Variants in NRP1 observed in about 807,000 individuals in gnomAD.
The protein encoded by NRP1 is neuropilin 1, also known as neuropilin-1.
NRP1 carries 35 observed loss-of-function variants against 106.7 expected under a neutral mutation model. The ratio of observed to expected loss-of-function variants is 0.33; its 90% CI spans 0.25 to 0.43. The LOEUF is 0.43. Ranked by LOEUF, NRP1 falls within the 20% of genes least tolerant of loss-of-function variation. NRP1 has a pLI of 1.00. For synonymous variants in NRP1, 437 were observed against 417.9 expected (o/e 1.05, Z -0.56); for missense variants, 1,024 against 1,170.4 (o/e 0.87, Z 1.83).
At chr10:33,247,214 A>T (rs1292379999) in intron 6 of NRP1, among the ~76,000 whole-genome samples, 1 of 152,238 alleles carries the variant, frequency 6.6e-6, no homozygotes, top group East Asian at 1.9e-4. Flanking sequence ...GCACTCACTC[A>T]TCCCACCTGA....
At chr10:33,288,237 A>G (rs993010627) in intron 2 of NRP1, 2 of 152,108 alleles carry the variant, frequency 1.3e-5, no homozygotes, top group Non-Finnish European at 2.9e-5. Flanking sequence ...TCCTGTGGGT[A>G]TGTTTCTGCC....
chr10:33,299,745 C>T (rs1422388685), intron 2 of NRP1, among the ~76,000 whole-genome samples: 1 of 152,168 alleles, frequency 6.6e-6, no homozygotes, highest in Non-Finnish European at 1.5e-5. Flanking sequence ...ATGATTGCAT[C>T]ACTGCTCTCC....
rs960838770 is a variant in NRP1, at chr10:33,259,854, T to A, written c.659-3383A>T. Among the ~76,000 whole-genome samples the A allele has an allele frequency of 1.1e-4, 16 of 151,510 alleles. 1 individual carries two copies. In the South Asian group the frequency reaches 1.7e-3, roughly 16 times the overall value. ...ATCTACTATAAAGAGGTACTTAAAT[T>A]TTTTTTTTTCTTTTTTAGAGATGGG... On this transcript the variant is annotated intron_variant, in intron 4 of 16. Coordinates refer to ENST00000374867, the MANE Select transcript of NRP1 (RefSeq NM_003873.7).
chr10:33,195,341 A>G (rs1469610780), intron 12 of NRP1: 1 of 358,844 alleles, frequency 2.8e-6, no homozygotes, highest in African/African-American at 2.1e-5. Flanking sequence ...AGAGAGCTAG[A>G]TTAAAAATGT....
chr10:33,326,580 G>T (rs1317400271), intron 2 of NRP1, among the ~76,000 whole-genome samples: 1 of 152,124 alleles, frequency 6.6e-6, no homozygotes, highest in East Asian at 1.9e-4. Flanking sequence ...TGTTAGCCCT[G>T]CAGACAGACG....
At chr10:33,214,941 TA>T (rs1838636086) in intron 8 of NRP1, among the ~76,000 whole-genome samples, 1 of 152,210 alleles carries the variant, frequency 6.6e-6, no homozygotes, top group African/African-American at 2.4e-5. Context: ...ATTGTACACT[TA>T]AAAATGTACA....
intron 7 of NRP1, among the ~76,000 whole-genome samples, chr10:33,223,833 C>G (rs1352178975): frequency 2.0e-5 from 3 of 152,188 alleles, no homozygotes; most frequent in Non-Finnish European, 1.5e-5. Context: ...TGATGGTGCT[C>G]TCCTTATGGG....
intron 6 of NRP1, among the ~76,000 whole-genome samples, chr10:33,244,394 A>G (rs1205998524): frequency 1.3e-5 from 2 of 152,234 alleles, no homozygotes; most frequent in African/African-American, 2.4e-5. Flanking sequence ...AAACTCCACC[A>G]AAGGAATTTC....
chr10:33,265,896 G>T (rs1463459567), intron 3 of NRP1, among the ~76,000 whole-genome samples: 1 of 152,152 alleles, frequency 6.6e-6, no homozygotes, highest in African/African-American at 2.4e-5. Context: ...TGAGATGACA[G>T]CGACTATGCT....
At chr10:33,269,985 T>A (rs1057142571) in intron 3 of NRP1, among the ~76,000 whole-genome samples, 1 of 152,198 alleles carries the variant, frequency 6.6e-6, no homozygotes, top group African/African-American at 2.4e-5. Context: ...AGGAATAAAG[T>A]GCACAATAAA....
At chr10:33,321,359 C>A (rs1847493840) in intron 2 of NRP1, among the ~76,000 whole-genome samples, 1 of 152,298 alleles carries the variant, frequency 6.6e-6, no homozygotes, top group Middle Eastern at 3.4e-3. Context: ...CCCACTTTTT[C>A]ACTTTATTGG....
chr10:33,254,137 A>G lies in NRP1; in HGVS notation c.872T>C (p.Ile291Thr), dbSNP rs1842044663. 6.2e-7 allele frequency: 1 copy of G among 1,613,976 alleles called. No homozygotes were observed. The highest frequency in any genetic ancestry group is 8.5e-7 in the Non-Finnish European group (1 of 1,179,988). Residue 291 changes from isoleucine to threonine, a missense_variant, in exon 6 of 17, where the codon ATC (isoleucine) becomes ACC (threonine). Physicochemically the swap from Ile to Thr is moderately conservative, Grantham distance 89 (BLOSUM62 -1). Coordinates refer to ENST00000374867, the MANE Select transcript of NRP1 (RefSeq NM_003873.7). ...MESGEIHSDQ[I>T]TASSQYSTNW... ...GGTGCTATACTGGGAAGAAGCTGTG[A>G]TCTGGTCAGAATGAATTTCTCCTGA...
chr10:33,208,327 A>G (rs983705092), intron 9 of NRP1, among the ~76,000 whole-genome samples: 1 of 152,194 alleles, frequency 6.6e-6, no homozygotes, highest in Non-Finnish European at 1.5e-5. Context: ...TGCTGGGATT[A>G]CAGGTGTGAG....
At chr10:33,274,111 T>C (rs763393315) in intron 2 of NRP1, among the ~76,000 whole-genome samples, 7 of 152,194 alleles carry the variant, frequency 4.6e-5, no homozygotes, top group Non-Finnish European at 7.3e-5. Context: ...TAAACATTTA[T>C]TGCCAAGGAA....
At chr10:33,248,030 G>A (rs754686890) in intron 6 of NRP1, among the ~76,000 whole-genome samples, 1 of 152,184 alleles carries the variant, frequency 6.6e-6, no homozygotes, top group Non-Finnish European at 1.5e-5. Context: ...GCTCATGTCT[G>A]TAATCCCAGC....
chr10:33,319,005 T>TC (rs1426581742), intron 2 of NRP1, among the ~76,000 whole-genome samples: 8 of 135,362 alleles, frequency 5.9e-5, no homozygotes, highest in South Asian at 2.5e-4. Flanking sequence ...TTTCTTTCTT[T>TC]TTTTTTTTTT....
intron 2 of NRP1, among the ~76,000 whole-genome samples, chr10:33,327,827 T>C (rs1270905756): frequency 1.3e-5 from 2 of 152,200 alleles, no homozygotes; most frequent in Non-Finnish European, 2.9e-5. Context: ...CTTAGAAAGA[T>C]AGTGAAAGGA....
intron 2 of NRP1, among the ~76,000 whole-genome samples, chr10:33,310,190 C>T (rs897849626): frequency 2.7e-5 from 4 of 150,354 alleles, no homozygotes; most frequent in Admixed American, 2.7e-4. Context: ...ACCTCATGAT[C>T]TGCCCGCCTC....
At chr10:33,299,708 C>G (rs553960877) in intron 2 of NRP1, among the ~76,000 whole-genome samples, 2 of 152,136 alleles carry the variant, frequency 1.3e-5, no homozygotes, top group Non-Finnish European at 2.9e-5. Flanking sequence ...CTCCCTTGAG[C>G]CCAGGAGTTT....
Sources: gnomAD v4.1 joint callset for allele counts (sites outside exome capture counted in the v4.1 genomes callset) on GRCh38, gnomAD v4.1.1 for gene constraint, MANE v1.5 for transcripts, NCBI Gene and HGNC (gene_info 2026-07-23, HGNC 2026-07-21) for gene names.